The following FHIT variants were observed in gnomAD, a reference collection of about 807,000 sequenced individuals.
FHIT encodes bis(5'-adenosyl)-triphosphatase.
A neutral mutation model predicts 17.9 loss-of-function variants in FHIT; 19 were observed. The observed-to-expected ratio is 1.06, with a 90% confidence interval of 0.74 to 1.56. FHIT has a LOEUF of 1.56. Ranked by LOEUF, FHIT falls within the 40% of genes most tolerant of loss-of-function variation. FHIT has a pLI of 0.00. For missense variants in FHIT, 248 were observed against 189.2 expected, an observed-to-expected ratio of 1.31 and a Z score of -1.82; for synonymous variants, 81 against 69.7, an observed-to-expected ratio of 1.16 and a Z score of -0.81.
chr3:60,019,449 G>A (rs149646801), intron 5 of FHIT, among the ~76,000 whole-genome samples: 1,222 of 119,922 alleles, frequency 0.01, 16 homozygotes, highest in African/African-American at 0.033. Flanking sequence ...ATGGAGTTTC[G>A]CTCTCGTTGC....
chr3:61,172,923 G>C (rs938516036), intron 2 of FHIT, among the ~76,000 whole-genome samples: 1 of 152,108 alleles, frequency 6.6e-6, no homozygotes, highest in African/African-American at 2.4e-5. Flanking sequence ...GGGCAGGCAG[G>C]TATCCTAAAC....
intron 5 of FHIT, among the ~76,000 whole-genome samples, chr3:60,432,007 A>C (rs1702926907): frequency 6.6e-6 from 1 of 151,766 alleles, no homozygotes; most frequent in African/African-American, 2.4e-5. Context: ...ACAGGGTCTT[A>C]CTCTGTCACC....
chr3:60,799,240 T>C (rs1256916853), intron 4 of FHIT, among the ~76,000 whole-genome samples: 4 of 152,158 alleles, frequency 2.6e-5, no homozygotes, highest in African/African-American at 9.7e-5. Context: ...AATGGCGCAA[T>C]CTCGGCTCAC....
At chr3:60,034,071 G>C (rs748473197) in intron 5 of FHIT, among the ~76,000 whole-genome samples, 7 of 152,176 alleles carry the variant, frequency 4.6e-5, no homozygotes, top group Non-Finnish European at 7.3e-5. Flanking sequence ...GGCAGATGTG[G>C]TTCTAAGCAC....
At chr3:60,467,660 T>C (rs9831755) in intron 5 of FHIT, among the ~76,000 whole-genome samples, 10,578 of 152,178 alleles carry the variant, frequency 0.07, 1,205 homozygotes, top group African/African-American at 0.24. Flanking sequence ...ATTTCTAATT[T>C]TATTCCATGG....
intron 5 of FHIT, among the ~76,000 whole-genome samples, chr3:60,031,303 A>G (rs576651543): frequency 1.3e-5 from 2 of 152,366 alleles, no homozygotes; most frequent in African/African-American, 2.4e-5. Flanking sequence ...CACATTCACA[A>G]AAGAGATCAG....
chr3:60,896,084 C>T (rs982685801), intron 3 of FHIT, among the ~76,000 whole-genome samples: 15 of 151,972 alleles, frequency 9.9e-5, no homozygotes, highest in African/African-American at 3.6e-4. Context: ...CAACATTAAC[C>T]CTATTGTGAA....
chr3:60,019,433 C>A (rs116402111), intron 5 of FHIT, among the ~76,000 whole-genome samples: 2 of 104,230 alleles, frequency 1.9e-5, no homozygotes, highest in East Asian at 2.9e-4. Flanking sequence ...TTTTTTTTTT[C>A]CTGAGATGGA....
chr3:60,793,313 T>TC (rs200225324), intron 4 of FHIT, among the ~76,000 whole-genome samples: 5 of 150,754 alleles, frequency 3.3e-5, no homozygotes, highest in South Asian at 2.1e-4. Flanking sequence ...TTTTTCTTTT[T>TC]TTTTTTGAGA....
intron 5 of FHIT, among the ~76,000 whole-genome samples, chr3:60,224,747 A>G (rs938752174): frequency 1.3e-5 from 2 of 149,784 alleles, no homozygotes; most frequent in African/African-American, 2.5e-5. Context: ...ATTTTATTTG[A>G]CAGGGTCTTG....
intron 2 of FHIT, among the ~76,000 whole-genome samples, chr3:61,058,432 G>C (rs367648550): frequency 6.6e-6 from 1 of 152,200 alleles, no homozygotes; most frequent in South Asian, 2.1e-4. Context: ...GTTTGGATTT[G>C]TGTCCACGCC....
chr3:60,972,900 T>G (rs1039305426), intron 3 of FHIT, among the ~76,000 whole-genome samples: 8 of 152,340 alleles, frequency 5.3e-5, no homozygotes, highest in African/African-American at 1.9e-4. Flanking sequence ...AACTTTCATG[T>G]TGTACATTTG....
intron 4 of FHIT, among the ~76,000 whole-genome samples, chr3:60,744,269 A>AAAAAAAAAAAAAAAAAAAAAAAAAC (rs2042306809): frequency 2.5e-4 from 4 of 16,048 alleles, no homozygotes; most frequent in African/African-American, 4.7e-4. Flanking sequence ...AAAACAAAAC[A>AAAAAAAAAAAAAAAAAAAAAAAAAC]AAAAAAAAAA....
intron 8 of FHIT, among the ~76,000 whole-genome samples, chr3:59,846,322 C>G (rs1179038279): frequency 1.3e-5 from 2 of 152,076 alleles, no homozygotes; most frequent in Non-Finnish European, 2.9e-5. Flanking sequence ...AGTTATTACA[C>G]TGTAATTTGA....
At chr3:60,686,901 C>G (rs954405128) in intron 4 of FHIT, among the ~76,000 whole-genome samples, 1 of 152,186 alleles carries the variant, frequency 6.6e-6, no homozygotes, top group Admixed American at 6.5e-5. Flanking sequence ...TGTCTTCAAC[C>G]CCCTTCGAGA....
At chr3:60,000,292 C>A (rs936569750) in intron 7 of FHIT, among the ~76,000 whole-genome samples, 1 of 152,186 alleles carries the variant, frequency 6.6e-6, no homozygotes, top group Non-Finnish European at 1.5e-5. Flanking sequence ...CTGGGATGGG[C>A]AAATTATGGC....
intron 3 of FHIT, among the ~76,000 whole-genome samples, chr3:60,966,088 C>G (rs1709726352): frequency 6.6e-6 from 1 of 152,162 alleles, no homozygotes; most frequent in South Asian, 2.1e-4. Context: ...GGGCTCCACC[C>G]ATTTCGAGCT....
chr3:60,501,064 T>C (rs1261420841), intron 5 of FHIT, among the ~76,000 whole-genome samples: 1 of 152,186 alleles, frequency 6.6e-6, no homozygotes, highest in Non-Finnish European at 1.5e-5. Flanking sequence ...TTGAACTGAA[T>C]TGAAGTGAAC....
chr3:59,792,724 T>G (rs2046454), intron 8 of FHIT, among the ~76,000 whole-genome samples: 74,889 of 151,990 alleles, frequency 0.49, 19,082 homozygotes, highest in East Asian at 0.67. Context: ...AATTTCAAGC[T>G]TTTATATCCA....
Sources: gnomAD v4.1 joint callset for allele counts (sites outside exome capture counted in the v4.1 genomes callset) on GRCh38, gnomAD v4.1.1 for gene constraint, MANE v1.5 for transcripts, NCBI Gene and HGNC (gene_info 2026-07-23, HGNC 2026-07-21) for gene names.